Variants in SYNJ2 observed in about 807,000 individuals in gnomAD.
SYNJ2 encodes synaptojanin 2, also known as polyphosphatidylinositol phosphatase SYNJ2.
Under a neutral mutation model 141.3 loss-of-function variants are expected in SYNJ2, and 116 were observed. The observed-to-expected ratio is 0.82, with a 90% CI of 0.71 to 0.96. The LOEUF (loss-of-function observed/expected upper bound fraction) is 0.96. SYNJ2 is among the 40% of genes least tolerant of loss of function. The probability of loss-of-function intolerance (pLI) is 0.00; values close to 1 mark genes in which losing one functional copy is unlikely to be tolerated. For synonymous variants in SYNJ2, 745 were observed against 777.7 expected (o/e 0.96, Z 0.70); for missense variants, 1,873 against 1,934.8 (o/e 0.97, Z 0.60).
intron 1 of SYNJ2, among the ~76,000 whole-genome samples, chr6:158,005,921 C>T (rs180905787): frequency 6.6e-6 from 1 of 152,208 alleles, no homozygotes; most frequent in African/African-American, 2.4e-5. Flanking sequence ...GCACTGTCTA[C>T]GTTTCAGGCC....
At chr6:158,022,801 A>C (rs1362949072) in intron 2 of SYNJ2, among the ~76,000 whole-genome samples, 2 of 152,214 alleles carry the variant, frequency 1.3e-5, no homozygotes, top group Non-Finnish European at 2.9e-5. Context: ...CCTGCCTCAC[A>C]AAAGCAAATC....
At chr6:157,994,766 T>C (rs1357676044) in intron 1 of SYNJ2, among the ~76,000 whole-genome samples, 1 of 152,226 alleles carries the variant, frequency 6.6e-6, no homozygotes, top group African/African-American at 2.4e-5. Flanking sequence ...TCTGGTGGTA[T>C]ACACTGATTT....
At chr6:158,046,590 C>T (rs951734993) in intron 5 of SYNJ2, among the ~76,000 whole-genome samples, 11 of 152,146 alleles carry the variant, frequency 7.2e-5, no homozygotes, top group African/African-American at 2.4e-4. Context: ...TTGACAGCTG[C>T]CGTTGGAAAC....
intron 24 of SYNJ2, among the ~76,000 whole-genome samples, 193 bp downstream of exon 24, chr6:158,088,965 A>G (rs1416212587): frequency 6.6e-6 from 1 of 152,136 alleles, no homozygotes; most frequent in African/African-American, 2.4e-5. Flanking sequence ...AGTGTTCTAG[A>G]AAAAATCACT....
In SYNJ2 at chr6:158,096,197, A is replaced by C. The variant is rs770595280; in HGVS notation, c.4324A>C (p.Arg1442=). The C allele has an allele frequency of 7.4e-6, 12 of 1,614,252 alleles. No homozygotes were observed. The highest frequency in any genetic ancestry group is 1.6e-4 in the Middle Eastern group (1 of 6,062). ...CTCAGACCCTTTGGACTCAGGAACC[A>C]GGAGCCCCAAAAGAGATCCCATAGA... The part of the protein sequence containing the change: ...KSSDPLDSGT[R]SPKRDPIDPV... The change falls in exon 27 of 27, where the codon AGG becomes CGG. Residue 1442 remains arginine (R), a synonymous_variant. Transcript: ENST00000355585.
In SYNJ2 at chr6:158,043,328, G is replaced by A; in HGVS notation, c.724G>A (p.Asp242Asn). 5 of 1,614,090 alleles carry A rather than the reference G, an allele frequency of 3.1e-6. No individual in the cohort carries two copies. The highest frequency in any genetic ancestry group is 4.2e-6 in the Non-Finnish European group (5 of 1,179,938). The change falls in exon 5 of 27, where the codon GAC (aspartate) becomes AAC (asparagine). Residue 242 changes from aspartate to asparagine, a missense_variant. Asp to Asn is a conservative substitution (Grantham distance 23, BLOSUM62 1). Transcript: ENST00000355585. This position sits in a 1 kb window ranked among gnomAD's most constrained non-coding sequence, Gnocchi z 4.0. ...CCTTGTGCCGCAGATGATTTACATG[G>A]ACGATGGAGTGTCATCTTTTGTCCA... ...FVETEQMIYMDDGVSSFVQIR... is the reference protein window; with the variant it reads ...FVETEQMIYMNDGVSSFVQIR...
intron 1 of SYNJ2, among the ~76,000 whole-genome samples, chr6:158,003,086 T>G (rs1370757358): frequency 2.6e-5 from 4 of 152,202 alleles, no homozygotes; most frequent in African/African-American, 7.2e-5. Flanking sequence ...TGGCTCTGAC[T>G]GCGGGAAACC....
At chr6:158,038,733 G>A (rs577119633) in intron 4 of SYNJ2, among the ~76,000 whole-genome samples, 57 of 152,366 alleles carry the variant, frequency 3.7e-4, no homozygotes, top group African/African-American at 1.3e-3. Flanking sequence ...CGCAGCAGGA[G>A]TGGGGCAGGT....
chr6:158,055,813 G>C (rs1233139976), intron 6 of SYNJ2, among the ~76,000 whole-genome samples: 1 of 152,132 alleles, frequency 6.6e-6, no homozygotes. Flanking sequence ...TATGAGCCCA[G>C]ATGTGACCCC....
chr6:158,076,630 T>G lies in SYNJ2; in HGVS notation c.2297T>G (p.Phe766Cys), dbSNP rs1282627412. The change falls in exon 17 of 27, where the codon TTT (phenylalanine) becomes TGT (cysteine). Residue 766 changes from phenylalanine (F) to cysteine (C), a missense_variant. Phe to Cys is a radical substitution (Grantham distance 205, BLOSUM62 -2). Coordinates refer to ENST00000355585, the MANE Select transcript of SYNJ2 (RefSeq NM_003898.4). ...GACTTCTTTTTCTCCCAATAGATTT[T>G]TAAGGACTTTCACGAAGGAGCCATT... ...LQLQKSSGKI[F>C]KDFHEGAINF... The G allele has an allele frequency of 1.2e-6, 2 of 1,612,066 alleles. No individual in the cohort carries two copies. The highest frequency in any genetic ancestry group is 1.1e-5 in the South Asian group (1 of 90,994).
intron 21 of SYNJ2, 115 bp downstream of exon 21, chr6:158,083,712 C>T (rs1279865048): frequency 7.3e-7 from 1 of 1,367,318 alleles, no homozygotes. Context: ...ACCCGCAGGG[C>T]AAGCCCTCTG....
At chr6:158,017,327 T>TG (rs778263591) in intron 2 of SYNJ2, 37 bp downstream of exon 2, 3 of 1,583,106 alleles carry the variant, frequency 1.9e-6, no homozygotes, top group South Asian at 2.3e-5. Context: ...GGCGCCAGGC[T>TG]CCCCGGTGGG....
intron 1 of SYNJ2, among the ~76,000 whole-genome samples, chr6:158,005,329 G>A (rs913508985): frequency 8.5e-5 from 13 of 152,080 alleles, no homozygotes; most frequent in South Asian, 2.1e-4. Flanking sequence ...CACCCACCTT[G>A]GCCTTCCAAA....
chr6:158,059,492 C>T (rs1426956017), intron 7 of SYNJ2, 139 bp downstream of exon 7: 2 of 1,471,032 alleles, frequency 1.4e-6, no homozygotes, highest in Non-Finnish European at 1.8e-6. Context: ...CCCCAGCATT[C>T]CGACCAGTGA....
rs1779117323 is a variant in SYNJ2 at position 158,027,566 on chromosome 6, G to T, written c.215-1190G>T. 1 of 152,262 alleles carries T rather than the reference G, an allele frequency of 6.6e-6. No homozygotes were observed. Among genetic ancestry groups the T allele is most frequent in the South Asian group, 2.1e-4 (1 of 4,828 alleles). 9.4% of individuals were successfully genotyped at this position (152,262 alleles called of 1,614,324 possible). On this transcript the variant is annotated intron_variant, in intron 2 of 26. Coordinates refer to ENST00000355585, the MANE Select transcript of SYNJ2 (RefSeq NM_003898.4). The surrounding 1 kb of genome is among the most constrained non-coding windows in gnomAD (Gnocchi z 4.6). ...TCATTCGCCTGGCTGCAGGGTCCGA[G>T]GTCGTCTTGGTAGCATTTGGCAGGA...
upstream of SYNJ2, among the ~76,000 whole-genome samples, chr6:157,981,679 G>A (rs892328946): frequency 2.6e-5 from 4 of 151,854 alleles, no homozygotes; most frequent in Non-Finnish European, 4.4e-5. The surrounding 1 kb of genome is among the most constrained non-coding windows in gnomAD (Gnocchi z 6.4). Context: ...GCCCGCCTGC[G>A]GGGAGCCTCA....
chr6:158,087,023 C>A, intron 23 of SYNJ2, 34 bp downstream of exon 23: 1 of 1,561,614 alleles, frequency 6.4e-7, no homozygotes, highest in Admixed American at 1.7e-5. Flanking sequence ...TCCCTGGATG[C>A]CTGCCAGGAA....
chr6:158,024,004 G>A (rs13207022), intron 2 of SYNJ2, among the ~76,000 whole-genome samples: 186 of 152,292 alleles, frequency 1.2e-3, no homozygotes, highest in Non-Finnish European at 2.3e-3. Flanking sequence ...ATCTTTTAGT[G>A]TTTGCGTCTA....
chr6:158,037,648 G>A (rs1043235273), intron 4 of SYNJ2, among the ~76,000 whole-genome samples: 3 of 152,092 alleles, frequency 2.0e-5, no homozygotes, highest in South Asian at 2.1e-4. Flanking sequence ...TGATCTGCCC[G>A]CCTCGGCCTC....
Sources: allele counts gnomAD v4.1 joint callset (sites outside exome capture counted in the v4.1 genomes callset), GRCh38; gene constraint gnomAD v4.1.1; non-coding constraint Gnocchi (gnomAD v3.1); transcripts MANE v1.5; gene names NCBI Gene and HGNC (gene_info 2026-07-23, HGNC 2026-07-21).